POU6F2: variants seen among roughly 807,000 people sequenced by gnomAD.
POU6F2 encodes POU class 6 homeobox 2, also known as POU domain, class 6, transcription factor 2.
In POU6F2, 31 loss-of-function variants were observed where a neutral mutation model predicts 71.3. That is an observed-to-expected ratio of 0.43 (90% CI 0.33 to 0.59). The LOEUF is 0.59. POU6F2 is among the 20% of genes least tolerant of loss of function. POU6F2 has a pLI of 0.04. For synonymous variants in POU6F2, 347 were observed against 355.7 expected (o/e 0.98, Z 0.27); for missense variants, 783 against 856.8 (o/e 0.91, Z 1.07).
At chr7:39,143,826 A>G (rs943101168) in intron 2 of POU6F2, among the ~76,000 whole-genome samples, 1 of 152,208 alleles carries the variant, frequency 6.6e-6, no homozygotes, top group Non-Finnish European at 1.5e-5. Context: ...AACATTTATT[A>G]TTTTATTCTA....
chr7:39,267,645 T>A lies in POU6F2; in HGVS notation c.598+60025T>A, dbSNP rs1261157567. Among the ~76,000 whole-genome samples, 4 of 152,072 alleles carry A rather than the reference T, an allele frequency of 2.6e-5. No individual in the cohort carries two copies. The East Asian group carries it at 5.8e-4, about 22-fold the overall frequency. On this transcript the variant is annotated intron_variant, in intron 4 of 9. Transcript: ENST00000518318. ...CATTTAAAAATATTTTATTTATTTT[T>A]TTTTTTTAGAGGCAAGGTCTTGCTA...
chr7:39,241,336 G>C (rs1783722792), intron 4 of POU6F2, among the ~76,000 whole-genome samples: 1 of 152,114 alleles, frequency 6.6e-6, no homozygotes, highest in Admixed American at 6.6e-5. Flanking sequence ...ATAAGTAAAA[G>C]AAAGAATGAA....
At chr7:39,207,799 G>A (rs2128746020) in intron 4 of POU6F2, among the ~76,000 whole-genome samples, 179 bp downstream of exon 4, 1 of 152,312 alleles carries the variant, frequency 6.6e-6, no homozygotes, top group South Asian at 2.1e-4. Context: ...TCCTGAGCCT[G>A]CACAAGCCAT....
intron 4 of POU6F2, among the ~76,000 whole-genome samples, chr7:39,215,350 T>C (rs1206089658): frequency 2.6e-5 from 4 of 151,588 alleles, no homozygotes; most frequent in Non-Finnish European, 4.4e-5. Context: ...ATCTCAAAAA[T>C]AAATAAATAA....
At chr7:39,330,519 C>T (rs571453512) in intron 4 of POU6F2, among the ~76,000 whole-genome samples, 1 of 152,194 alleles carries the variant, frequency 6.6e-6, no homozygotes, top group African/African-American at 2.4e-5. Context: ...AGTCAGTAAA[C>T]ACTCTTGACT....
intron 5 of POU6F2, among the ~76,000 whole-genome samples, chr7:39,367,847 T>G (rs549420469): frequency 1.5e-4 from 23 of 152,314 alleles, no homozygotes; most frequent in African/African-American, 5.5e-4. Flanking sequence ...TATGAGATCT[T>G]CTATGGTGAT....
intron 4 of POU6F2, among the ~76,000 whole-genome samples, chr7:39,246,133 T>C (rs1021852640): frequency 5.9e-5 from 9 of 152,264 alleles, no homozygotes; most frequent in Middle Eastern, 3.4e-3. Context: ...AATTGTCTCA[T>C]TGGAGAAATG....
In POU6F2 at chr7:39,151,324, C is replaced by G. The variant is rs368286700; in HGVS notation, c.278-52911C>G. Among the ~76,000 whole-genome samples, 220 of 152,298 alleles carry G rather than the reference C, an allele frequency of 1.4e-3. 1 individual carries two copies. The highest frequency in any genetic ancestry group is 4.8e-3 in the African/African-American group (201 of 41,560). On this transcript the variant is annotated intron_variant, in intron 2 of 9. Transcript: ENST00000518318. ...AAAAGTGGTTTTACATTTCCAATGC[C>G]TGTCCTAAAGTAGTTTTAGAGGTCA... is the stretch of plus-strand genomic sequence containing the variant.
chr7:39,325,191 C>G (rs1176047167), intron 4 of POU6F2, among the ~76,000 whole-genome samples: 1 of 152,056 alleles, frequency 6.6e-6, no homozygotes, highest in Admixed American at 6.6e-5. Flanking sequence ...ATTTTTAATC[C>G]TATATCTCAA....
chr7:39,101,253 T>G (rs1054520176), intron 2 of POU6F2, among the ~76,000 whole-genome samples: 6 of 152,010 alleles, frequency 3.9e-5, no homozygotes, highest in Admixed American at 1.3e-4. Flanking sequence ...TTTGTATTTT[T>G]GGTAGAGACG....
chr7:39,350,326 T>C (rs1278140384), intron 5 of POU6F2, among the ~76,000 whole-genome samples: 1 of 152,174 alleles, frequency 6.6e-6, no homozygotes, highest in African/African-American at 2.4e-5. Context: ...CAAAGCAACA[T>C]TTAGGGGTCC....
intron 4 of POU6F2, among the ~76,000 whole-genome samples, chr7:39,295,408 G>A (rs1583504009): frequency 6.6e-6 from 1 of 152,298 alleles, no homozygotes; most frequent in East Asian, 1.9e-4. Context: ...TTGAGGTCAG[G>A]AGTTTGAGAC....
intron 4 of POU6F2, among the ~76,000 whole-genome samples, chr7:39,221,913 C>T (rs1794370817): frequency 6.6e-6 from 1 of 152,002 alleles, no homozygotes; most frequent in African/African-American, 2.4e-5. Context: ...AACATTAAAA[C>T]GTTTTAAAAT....
chr7:39,058,477 C>T (rs1489203696), intron 1 of POU6F2, among the ~76,000 whole-genome samples: 4 of 152,182 alleles, frequency 2.6e-5, no homozygotes, highest in Non-Finnish European at 5.9e-5. Context: ...GATCCTAATT[C>T]ATTACCAGTC....
chr7:39,074,179 T>G (rs1205301103), intron 1 of POU6F2, among the ~76,000 whole-genome samples: 1 of 152,082 alleles, frequency 6.6e-6, no homozygotes, highest in Non-Finnish European at 1.5e-5. Context: ...TGAAGCCCCA[T>G]CTCTACTAAA....
intron 1 of POU6F2, among the ~76,000 whole-genome samples, chr7:38,992,640 T>C (rs1164988205): frequency 6.6e-6 from 1 of 152,200 alleles, no homozygotes; most frequent in Non-Finnish European, 1.5e-5. Flanking sequence ...GGAGCATGAC[T>C]GAAAAACAGC....
intron 4 of POU6F2, 75 bp from the exon 5 acceptor site, chr7:39,339,567 C>A (rs1354650733): frequency 1.3e-6 from 2 of 1,489,904 alleles, no homozygotes; most frequent in Non-Finnish European, 1.8e-6. Flanking sequence ...TCCACTTGCA[C>A]TGGACAGGCT....
chr7:39,079,434 C>T (rs1056328855), intron 1 of POU6F2, among the ~76,000 whole-genome samples: 1 of 152,036 alleles, frequency 6.6e-6, no homozygotes, highest in African/African-American at 2.4e-5. Flanking sequence ...GCCTAGGCCT[C>T]CCAAAGTGCT....
chr7:39,174,987 A>G (rs1793300698), intron 2 of POU6F2, among the ~76,000 whole-genome samples: 1 of 152,012 alleles, frequency 6.6e-6, no homozygotes, highest in African/African-American at 2.4e-5. Context: ...ACCTCTCTCC[A>G]GTGTTTGATG....
Sources: gnomAD v4.1 joint callset for allele counts (sites outside exome capture counted in the v4.1 genomes callset) on GRCh38, gnomAD v4.1.1 for gene constraint, MANE v1.5 for transcripts, NCBI Gene and HGNC (gene_info 2026-07-23, HGNC 2026-07-21) for gene names.